The following TMPRSS15 variants were observed in gnomAD, a reference collection of about 807,000 sequenced individuals.
The protein encoded by TMPRSS15 is enteropeptidase.
In TMPRSS15, 128 loss-of-function variants were observed where a neutral mutation model predicts 125.3. The observed-to-expected ratio is 1.02, with a 90% CI of 0.89 to 1.18. The LOEUF is 1.18. Ranked by LOEUF, TMPRSS15 falls within the 50% of genes most tolerant of loss-of-function variation. The probability of loss-of-function intolerance (pLI) is 0.00; values close to 1 mark genes in which losing one functional copy is unlikely to be tolerated. For missense variants in TMPRSS15, 1,283 were observed against 1,212.7 expected, an observed-to-expected ratio of 1.06 and a Z score of -0.86; for synonymous variants, 446 against 423.2, an observed-to-expected ratio of 1.05 and a Z score of -0.66.
intron 8 of TMPRSS15, among the ~76,000 whole-genome samples, chr21:18,357,059 G>T (rs2147015761): frequency 6.6e-6 from 1 of 151,948 alleles, no homozygotes; most frequent in East Asian, 1.9e-4. Flanking sequence ...ACCGTTTTCA[G>T]TGTGCTAACC....
chr21:18,397,546 T>G (rs757626228), intron 3 of TMPRSS15, among the ~76,000 whole-genome samples: 26 of 152,112 alleles, frequency 1.7e-4, no homozygotes, highest in Non-Finnish European at 2.8e-4. Flanking sequence ...TGAAGCAGGG[T>G]GATACAATAT....
intron 23 of TMPRSS15, among the ~76,000 whole-genome samples, chr21:18,278,578 A>G (rs1055862471): frequency 1.4e-5 from 2 of 140,420 alleles, no homozygotes; most frequent in Admixed American, 7.5e-5. Context: ...AAAATTAGCC[A>G]GGCATGGTGG....
chr21:18,484,156 T>C lies in TMPRSS15; in HGVS notation c.10+1643A>G, dbSNP rs563192516. On this transcript the variant is annotated intron_variant, in intron 1 of 7. Transcript: ENST00000422787. ...TTAGTTATTCTTAGAATGTATTTGC[T>C]TTCTGGTGAACTAGGAAATCGTTTC... is the stretch of plus-strand genomic sequence containing the variant. Among the ~76,000 whole-genome samples the C allele has an allele frequency of 4.0e-3, 605 of 152,004 alleles. 6 individuals are homozygous for C. The highest frequency in any genetic ancestry group is 0.014 in the African/African-American group (586 of 41,522).
chr21:18,360,057 T>TGTACATCTAGAAC (rs2075665668), intron 7 of TMPRSS15, among the ~76,000 whole-genome samples, 194 bp from the exon 8 acceptor site: 1 of 152,112 alleles, frequency 6.6e-6, no homozygotes, highest in South Asian at 2.1e-4. Context: ...CTAGAACTCT[T>TGTACATCTAGAAC]TCAGGACTGA....
chr21:18,272,326 G>GT (rs369331439), intron 24 of TMPRSS15, among the ~76,000 whole-genome samples: 50 of 151,082 alleles, frequency 3.3e-4, no homozygotes, highest in Admixed American at 4.6e-4. Flanking sequence ...GTGATGTTGA[G>GT]TTTTTTTTTC....
intron 1 of TMPRSS15, among the ~76,000 whole-genome samples, chr21:18,409,412 T>G (rs560407479): frequency 1.3e-5 from 2 of 152,104 alleles, no homozygotes; most frequent in Non-Finnish European, 2.9e-5. Flanking sequence ...TTTTTGTGTT[T>G]TTGTTGTTCA....
In TMPRSS15 at chr21:18,485,576, T is replaced by G. The variant is rs554200372; in HGVS notation, c.10+223A>C. ...TACAAAATTTTTTTCAGATGACTTT[T>G]CAGCATCTGTCAAAATAATTACATA... On this transcript the variant is annotated intron_variant, in intron 1 of 7. Coordinates refer to the TMPRSS15 transcript ENST00000422787. Among the ~76,000 whole-genome samples the G allele has an allele frequency of 3.3e-5, 5 of 152,194 alleles. No homozygotes were observed. The South Asian group carries it at 8.3e-4, about 25-fold the overall frequency.
intron 6 of TMPRSS15, among the ~76,000 whole-genome samples, chr21:18,369,245 A>G (rs1569037885): frequency 6.6e-6 from 1 of 152,138 alleles, no homozygotes; most frequent in Non-Finnish European, 1.5e-5. Context: ...AATATTCACT[A>G]ATTGTGTCTT....
Position 18,344,024 on chromosome 21 carries a change from C to T in TMPRSS15, c.1208G>A (p.Arg403Lys), listed in dbSNP as rs765358847. 1 of 1,614,006 alleles carries T rather than the reference C, an allele frequency of 6.2e-7. No homozygotes were observed. The highest frequency in any genetic ancestry group is 8.5e-7 in the Non-Finnish European group (1 of 1,180,018). Reference protein sequence around the residue: ...YISTPTGPGGRQERVGLLSLP... With the variant: ...YISTPTGPGGKQERVGLLSLP... ...GCTTAAAAGCCCCACTCGTTCTTGTCTCCCTCCTGGTCCAGTTGGGGTAGA... is the reference window on the plus strand; with the variant it reads ...GCTTAAAAGCCCCACTCGTTCTTGTTTCCCTCCTGGTCCAGTTGGGGTAGA... The change falls in exon 11 of 25, where the codon AGA (arginine) becomes AAA (lysine). Residue 403 changes from arginine to lysine, a missense_variant. Physicochemically the swap from Arg to Lys is conservative, Grantham distance 26. Transcript: ENST00000284885.
In TMPRSS15 at chr21:18,269,958, T is replaced by C. The variant is rs1168050266; in HGVS notation, c.*11A>G. 1 of 1,613,652 alleles carries C rather than the reference T, an allele frequency of 6.2e-7. No homozygotes were observed. Among genetic ancestry groups the C allele is most frequent in the Non-Finnish European group, 8.5e-7 (1 of 1,179,648 alleles). On this transcript the variant is annotated 3_prime_UTR_variant, in exon 25 of 25. Coordinates refer to ENST00000284885, the MANE Select transcript of TMPRSS15 (RefSeq NM_002772.3). ...AATAATGCGACTTTCCTGTTTAGTT[T>C]AAGAAATGCGCTAATGTAGAAAACT...
intron 7 of TMPRSS15, among the ~76,000 whole-genome samples, chr21:18,362,682 G>A (rs1434087486): frequency 6.6e-6 from 1 of 151,984 alleles, no homozygotes; most frequent in Non-Finnish European, 1.5e-5. Context: ...TTGTATTATT[G>A]TGTCAGTAGT....
At chr21:18,353,632 C>T (rs967977322) in intron 9 of TMPRSS15, 91 bp downstream of exon 9, 8 of 1,184,204 alleles carry the variant, frequency 6.8e-6, no homozygotes, top group Non-Finnish European at 9.7e-6. Flanking sequence ...AAAATTACAT[C>T]ATGAAAATTT....
rs1327293535 is a variant in TMPRSS15, at chr21:18,353,061, G to A, written c.1022-9C>T. The A allele has an allele frequency of 1.9e-6, 3 of 1,600,920 alleles. No individual in the cohort carries two copies. Among genetic ancestry groups the A allele is most frequent in the African/African-American group, 1.4e-5 (1 of 73,904 alleles). On this transcript the variant is annotated splice_polypyrimidine_tract_variant and intron_variant, in intron 9 of 24. Coordinates refer to ENST00000284885, the MANE Select transcript of TMPRSS15 (RefSeq NM_002772.3). The stretch of plus-strand genomic sequence containing the variant: ...ATTAATTTTCTCATAATCTGTGAAT[G>A]AAAAAAAAGAAGGAATAAAAAAAAT...
intron 15 of TMPRSS15, among the ~76,000 whole-genome samples, chr21:18,327,745 G>A (rs1161389076): frequency 2.0e-5 from 3 of 152,018 alleles, no homozygotes; most frequent in Non-Finnish European, 4.4e-5. Flanking sequence ...GTGTGTGGGA[G>A]GGCGATAAAA....
intron 1 of TMPRSS15, among the ~76,000 whole-genome samples, chr21:18,420,037 A>G (rs989734803): frequency 6.6e-6 from 1 of 152,222 alleles, no homozygotes; most frequent in African/African-American, 2.4e-5. Context: ...AATGTAGCAT[A>G]CCGTAGCCTA....
At chr21:18,270,760 T>A (rs1298571722) in intron 24 of TMPRSS15, among the ~76,000 whole-genome samples, 2 of 152,180 alleles carry the variant, frequency 1.3e-5, no homozygotes, top group African/African-American at 2.4e-5. Context: ...TCACAGCAGA[T>A]CCTAGTAAAG....
intron 1 of TMPRSS15, among the ~76,000 whole-genome samples, chr21:18,441,701 A>ATTT (rs1472255859): frequency 7.7e-6 from 1 of 130,486 alleles, no homozygotes; most frequent in Admixed American, 8.2e-5. Flanking sequence ...TATTATTATT[A>ATTT]TTATTTTGAG....
chr21:18,397,904 T>C lies in TMPRSS15; in HGVS notation c.319A>G (p.Lys107Glu). The change falls in exon 3 of 25, where the codon AAG (lysine) becomes GAG (glutamate). Residue 107 changes from lysine (K) to glutamate (E), a missense_variant. Coordinates refer to ENST00000284885, the MANE Select transcript of TMPRSS15 (RefSeq NM_002772.3). The part of the protein sequence containing the change: ...FLSSNLKNEY[K>E]NSRVLQFENG... ...TCAAATTGTAAAACTCTTGAGTTCTTATATTCATTCTTCAGATTGCTTGAT... is the reference window on the plus strand; with the variant it reads ...TCAAATTGTAAAACTCTTGAGTTCTCATATTCATTCTTCAGATTGCTTGAT... The C allele has an allele frequency of 6.4e-7, 1 of 1,554,352 alleles. No individual in the cohort carries two copies. The highest frequency in any genetic ancestry group is 1.7e-5 in the Admixed American group (1 of 57,622).
chr21:18,290,376 G>T (rs1182775815), intron 21 of TMPRSS15, among the ~76,000 whole-genome samples: 3 of 152,092 alleles, frequency 2.0e-5, no homozygotes, highest in African/African-American at 7.2e-5. Flanking sequence ...TTACAGAAAA[G>T]TTGACTTCAG....
Sources: gnomAD v4.1 joint callset for allele counts (sites outside exome capture counted in the v4.1 genomes callset) on GRCh38, gnomAD v4.1.1 for gene constraint, MANE v1.5 for transcripts, NCBI Gene and HGNC (gene_info 2026-07-23, HGNC 2026-07-21) for gene names.